ARMH3: variants seen among roughly 807,000 people sequenced by gnomAD.
ARMH3 encodes armadillo like helical domain containing 3.
In ARMH3, 60 loss-of-function variants were observed where a neutral mutation model predicts 99.1. The ratio of observed to expected loss-of-function variants is 0.61; its 90% CI spans 0.49 to 0.75. The LOEUF (loss-of-function observed/expected upper bound fraction) is 0.75, where lower values mean the gene tolerates loss of function less well. Ranked by LOEUF, ARMH3 falls within the 30% of genes least tolerant of loss-of-function variation. The probability of loss-of-function intolerance (pLI) is 0.00; values close to 1 mark genes in which losing one functional copy is unlikely to be tolerated. For synonymous variants in ARMH3, 285 were observed against 292.8 expected, an observed-to-expected ratio of 0.97 and a Z score of 0.27; for missense variants, 679 against 843.1, an observed-to-expected ratio of 0.81 and a Z score of 2.41.
chr10:101,908,417 T>C (rs1413631500), intron 23 of ARMH3, among the ~76,000 whole-genome samples: 1 of 152,218 alleles, frequency 6.6e-6, no homozygotes, highest in Admixed American at 6.5e-5. Flanking sequence ...ACTACTAACA[T>C]TTGGGGCTAC....
chr10:101,927,282 G>A (rs1389380198), intron 23 of ARMH3, among the ~76,000 whole-genome samples: 2 of 152,098 alleles, frequency 1.3e-5, no homozygotes, highest in East Asian at 3.8e-4. Flanking sequence ...GCAAACCCAA[G>A]GCCTCTGCTG....
intron 23 of ARMH3, among the ~76,000 whole-genome samples, chr10:101,890,068 C>T (rs2067650087): frequency 1.3e-5 from 2 of 152,102 alleles, no homozygotes; most frequent in Non-Finnish European, 2.9e-5. Flanking sequence ...TTAAAAATCT[C>T]TGAAATCTGA....
chr10:102,007,174 A>G lies in ARMH3; in HGVS notation c.955-541T>C, dbSNP rs550834686. Reference sequence around the variant, plus strand: ...GACTCTATCTCAAAAAAAAAAAAAAAAAAAGAAAAAAAAAGCTGAGAAGGG... The same window carrying G: ...GACTCTATCTCAAAAAAAAAAAAAAGAAAAGAAAAAAAAAGCTGAGAAGGG... On this transcript the variant is annotated intron_variant, in intron 13 of 25. Coordinates refer to ENST00000370033, the MANE Select transcript of ARMH3 (RefSeq NM_024541.3). 3.4e-3 allele frequency among the ~76,000 whole-genome samples: 511 copies of G among 149,814 alleles called. 11 individuals are homozygous for G. The highest frequency in any genetic ancestry group is 4.4e-3 in the Non-Finnish European group (295 of 67,356).
rs80051370 is a variant in ARMH3 at position 102,032,729 on chromosome 10, T to G, written c.306+297A>C. Among the ~76,000 whole-genome samples, 479 of 152,254 alleles carry G rather than the reference T, an allele frequency of 3.1e-3. 2 individuals carry two copies. Among genetic ancestry groups the G allele is most frequent in the African/African-American group, 0.011 (461 of 41,558 alleles). ...TCTGATTTTTGATAAAGACTAATCA[T>G]TCTTGCCTCAGTTTCCTCTCTACTT... is the stretch of plus-strand genomic sequence containing the variant. On this transcript the variant is annotated intron_variant, in intron 4 of 25. Coordinates refer to ENST00000370033, the MANE Select transcript of ARMH3 (RefSeq NM_024541.3).
rs544690621 is a variant in ARMH3, at chr10:101,998,184, GT to G, written c.1151-2830del. Among the ~76,000 whole-genome samples the G allele has an allele frequency of 1.6e-4, 25 of 152,320 alleles. No individual in the cohort carries two copies. The East Asian group carries it at 4.4e-3, about 27-fold the overall frequency. The stretch of plus-strand genomic sequence containing the variant: ...AGTTCCAAGGGCCTCAGTTCACTGT[GT>G]TATATCCGGCAAAGCTAAAAGTTCA... On this transcript the variant is annotated intron_variant, in intron 15 of 25. Coordinates refer to ENST00000370033, the MANE Select transcript of ARMH3 (RefSeq NM_024541.3).
intron 24 of ARMH3, among the ~76,000 whole-genome samples, chr10:101,885,645 T>C (rs1292734489): frequency 6.6e-6 from 1 of 152,154 alleles, no homozygotes; most frequent in South Asian, 2.1e-4. Flanking sequence ...AGTAACTGTT[T>C]AATGGATATA....
intron 20 of ARMH3, among the ~76,000 whole-genome samples, chr10:101,968,326 C>A (rs1027684662): frequency 1.6e-4 from 24 of 152,098 alleles, no homozygotes; most frequent in Non-Finnish European, 2.5e-4. Flanking sequence ...TTTAAGAAAT[C>A]TAAAAGTCAA....
intron 23 of ARMH3, among the ~76,000 whole-genome samples, chr10:101,931,308 G>A (rs980562817): frequency 1.3e-4 from 20 of 152,110 alleles, no homozygotes; most frequent in Admixed American, 3.3e-4. Context: ...TCACATCTGA[G>A]GGTCAGTAGT....
At chr10:101,893,743 G>A (rs534790027) in intron 23 of ARMH3, among the ~76,000 whole-genome samples, 31 of 152,166 alleles carry the variant, frequency 2.0e-4, no homozygotes, top group African/African-American at 7.5e-4. Context: ...GGACTGGGAG[G>A]CAGGGAGGGA....
At chr10:102,018,835 T>C (rs2066809827) in intron 8 of ARMH3, among the ~76,000 whole-genome samples, 1 of 152,036 alleles carries the variant, frequency 6.6e-6, no homozygotes, top group Non-Finnish European at 1.5e-5. Flanking sequence ...CGCATGCCTG[T>C]AGTCCCAGCT....
At chr10:101,908,265 T>A (rs956528192) in intron 23 of ARMH3, among the ~76,000 whole-genome samples, 34 of 152,372 alleles carry the variant, frequency 2.2e-4, no homozygotes, top group African/African-American at 8.2e-4. Flanking sequence ...TAGTAATGCA[T>A]GTAAATACAT....
At position 101,938,801 on chromosome 10, in the gene ARMH3, T is replaced by A. The variant is rs545806299; in HGVS notation, c.1781+1062A>T. On this transcript the variant is annotated intron_variant, in intron 23 of 25. Transcript: ENST00000370033. Reference sequence around the variant, plus strand: ...ATTTGTGAGATTTATAAAATTGTGTTTGATGCAAAATGAGTCTGGTGACAG... The same window carrying A: ...ATTTGTGAGATTTATAAAATTGTGTATGATGCAAAATGAGTCTGGTGACAG... Among the ~76,000 whole-genome samples, 3 of 152,348 alleles carry A rather than the reference T, an allele frequency of 2.0e-5. No individual in the cohort carries two copies. In the East Asian group the frequency reaches 5.8e-4, roughly 29 times the overall value.
At chr10:102,000,684 C>G (rs1405769432) in intron 15 of ARMH3, among the ~76,000 whole-genome samples, 1 of 151,248 alleles carries the variant, frequency 6.6e-6, no homozygotes, top group African/African-American at 2.4e-5. Flanking sequence ...GTGGGAGAAT[C>G]ACCTGAGCCC....
intron 23 of ARMH3, among the ~76,000 whole-genome samples, chr10:101,897,301 C>A (rs1308766088): frequency 2.0e-5 from 3 of 152,168 alleles, no homozygotes; most frequent in Admixed American, 2.0e-4. Context: ...ATTTTGCTCA[C>A]CAATATTTTG....
intron 19 of ARMH3, among the ~76,000 whole-genome samples, chr10:101,978,757 T>C (rs1312581473): frequency 6.6e-6 from 1 of 152,080 alleles, no homozygotes; most frequent in African/African-American, 2.4e-5. Flanking sequence ...CTGGCCAACA[T>C]GGTGAAACAT....
chr10:102,004,970 C>T (rs530947567), intron 14 of ARMH3, among the ~76,000 whole-genome samples: 4 of 151,764 alleles, frequency 2.6e-5, no homozygotes, highest in African/African-American at 4.8e-5. Context: ...TTTGGGAGGC[C>T]GAGGCAGGCG....
At chr10:102,041,405 A>G (rs565033439) in intron 1 of ARMH3, among the ~76,000 whole-genome samples, 56 of 152,078 alleles carry the variant, frequency 3.7e-4, no homozygotes, top group Non-Finnish European at 7.1e-4. Context: ...GGGAGAGGCC[A>G]GATTTTACTT....
intron 23 of ARMH3, among the ~76,000 whole-genome samples, chr10:101,903,412 C>T (rs1186108362): frequency 6.6e-6 from 1 of 152,068 alleles, no homozygotes; most frequent in Non-Finnish European, 1.5e-5. Context: ...AAGACACACA[C>T]GACAGACAGA....
At chr10:101,925,631 TG>T (rs1414469767) in intron 23 of ARMH3, among the ~76,000 whole-genome samples, 1 of 152,150 alleles carries the variant, frequency 6.6e-6, no homozygotes, top group African/African-American at 2.4e-5. Context: ...ATGAACGGGC[TG>T]GGGGCCGTGG....
Sources: allele counts gnomAD v4.1 joint callset (sites outside exome capture counted in the v4.1 genomes callset), GRCh38; gene constraint gnomAD v4.1.1; transcripts MANE v1.5; gene names NCBI Gene and HGNC (gene_info 2026-07-23, HGNC 2026-07-21).